The following GRK4 variants were observed in gnomAD, a reference collection of about 807,000 sequenced individuals.
GRK4 encodes G protein-coupled receptor kinase 4.
GRK4 carries 73 observed loss-of-function variants against 77.9 expected under a neutral mutation model. The observed-to-expected ratio is 0.94, with a 90% CI of 0.78 to 1.14. The LOEUF is 1.14. Among genes scored for constraint, GRK4 ranks in the 50% most tolerant of loss-of-function variants. The pLI, the probability that GRK4 is intolerant of heterozygous loss-of-function variation, is 0.00. For missense variants in GRK4, 729 were observed against 700.2 expected, an observed-to-expected ratio of 1.04 and a Z score of -0.46; for synonymous variants, 257 against 254.4, an observed-to-expected ratio of 1.01 and a Z score of -0.10.
In GRK4 at chr4:2,970,685, T is replaced by TG. The variant is rs1170543200; in HGVS notation, c.52+6570dup. The stretch of plus-strand genomic sequence containing the variant: ...AAAAAAAAAAAATGTTCTTTTTTTT[T>TG]GGGGGGGTCAGTCTCGCTCTGTCGC... On this transcript the variant is annotated intron_variant, in intron 1 of 15. Coordinates refer to ENST00000398052, the MANE Select transcript of GRK4 (RefSeq NM_182982.3). Among the ~76,000 whole-genome samples the TG allele has an allele frequency of 1.3e-4, 20 of 151,356 alleles. 1 individual carries two copies. The highest frequency in any genetic ancestry group is 9.2e-4 in the Admixed American group (14 of 15,170).
At chr4:3,029,070 C>A (rs12696706) in intron 11 of GRK4, 131 bp from the exon 12 acceptor site, 41,165 of 725,932 alleles carry the variant, frequency 0.057, 1,296 homozygotes, top group East Asian at 0.077. Context: ...CCGCTCCCAG[C>A]CTTAACATAA....
chr4:3,022,315 C>T lies in GRK4; in HGVS notation c.933-99C>T, dbSNP rs189312232. ...CATGAAGGGCAGTTTCGTGTTTTGCCGCGCTAGCCCTTGCTCACGCTGGTT... is the reference window on the plus strand; with the variant it reads ...CATGAAGGGCAGTTTCGTGTTTTGCTGCGCTAGCCCTTGCTCACGCTGGTT... On this transcript the variant is annotated intron_variant, in intron 9 of 15. Coordinates refer to ENST00000398052, the MANE Select transcript of GRK4 (RefSeq NM_182982.3). 1,189 of 1,121,462 alleles carry T rather than the reference C, an allele frequency of 1.1e-3. 1 individual carries two copies. The highest frequency in any genetic ancestry group is 1.4e-3 in the Non-Finnish European group (1,108 of 765,220). The allele number at this position is 1,121,462 out of a possible 1,614,324, so 69.5% of individuals were successfully genotyped here. A position where few individuals can be genotyped will look rare whatever the true frequency, so the allele number is the denominator to read the frequency against.
chr4:3,018,257 C>A (rs532244702), intron 8 of GRK4, among the ~76,000 whole-genome samples: 1 of 152,060 alleles, frequency 6.6e-6, no homozygotes, highest in African/African-American at 2.4e-5. Flanking sequence ...GAGACATTCC[C>A]AGATTTTTAG....
intron 1 of GRK4, among the ~76,000 whole-genome samples, chr4:2,975,966 C>T (rs941131478): frequency 1.3e-5 from 2 of 152,180 alleles, no homozygotes; most frequent in Non-Finnish European, 1.5e-5. Flanking sequence ...AGGAGAGATA[C>T]ATAGTAGCCA....
At chr4:2,998,560 A>G (rs937224229) in intron 4 of GRK4, among the ~76,000 whole-genome samples, 14 of 152,162 alleles carry the variant, frequency 9.2e-5, no homozygotes, top group African/African-American at 2.2e-4. Flanking sequence ...ATTCCTATAT[A>G]TTAGCAATTA....
Position 3,029,328 on chromosome 4 carries a change from G to T in GRK4, c.1188G>T (p.Glu396Asp). Residue 396 changes from glutamate (E) to aspartate (D), a missense_variant, in exon 12 of 16, where the codon GAG (glutamate) becomes GAT (aspartate). Glu to Asp is a conservative substitution (Grantham distance 45, BLOSUM62 2). Coordinates refer to ENST00000398052, the MANE Select transcript of GRK4 (RefSeq NM_182982.3). The part of the protein sequence containing the change: ...FKKYKEKVKW[E>D]EVDQRIKNDT... ...AATACAAAGAGAAAGTCAAATGGGA[G>T]GAGGTCGATCAAAGAATCAAGAATG... is the stretch of plus-strand genomic sequence containing the variant. 1.2e-6 allele frequency: 2 copies of T among 1,614,146 alleles called. No homozygotes were observed. Among genetic ancestry groups the T allele is most frequent in the South Asian group, 2.2e-5 (2 of 91,082 alleles).
In GRK4 at chr4:2,984,611, G is replaced by A; in HGVS notation, c.148+3G>A. The A allele has an allele frequency of 6.5e-7, 1 of 1,545,910 alleles. No individual in the cohort carries two copies. The highest frequency in any genetic ancestry group is 8.9e-7 in the Non-Finnish European group (1 of 1,123,170). ...CAGTGAGCTTAGACATTCCATTGGT[G>A]AGTAAATAGTGCCTACTAATGCTTG... On this transcript the variant is annotated splice_donor_region_variant and intron_variant, in intron 2 of 15. Transcript: ENST00000398052.
chr4:2,971,582 A>G (rs1316753477), intron 1 of GRK4, among the ~76,000 whole-genome samples: 1 of 152,334 alleles, frequency 6.6e-6, no homozygotes, highest in Admixed American at 6.5e-5. Flanking sequence ...CAGGAATAGC[A>G]GGAAGAAGAA....
chr4:3,007,946 T>A, intron 6 of GRK4, 118 bp downstream of exon 6: 1 of 644,044 alleles, frequency 1.6e-6, no homozygotes, highest in Admixed American at 2.8e-5. Flanking sequence ...AAGGCTATAG[T>A]ACGGGATGAT....
In GRK4 at chr4:3,030,642, A is replaced by C. The variant is rs2857842; in HGVS notation, c.1269+1233A>C. ...ACTGCCTGGAGGGGCGGCAGGCTCTAGGGGGTGAGAGGGGGTCGGCCTGCT... is the reference window on the plus strand; with the variant it reads ...ACTGCCTGGAGGGGCGGCAGGCTCTCGGGGGTGAGAGGGGGTCGGCCTGCT... On this transcript the variant is annotated intron_variant, in intron 12 of 15. Transcript: ENST00000398052. Among the ~76,000 whole-genome samples the C allele has an allele frequency of 4.6e-5, 7 of 151,200 alleles. No individual in the cohort carries two copies. The South Asian group carries it at 1.5e-3, about 32-fold the overall frequency.
In GRK4 at chr4:3,020,193, T is replaced by TG. The variant is rs1735678436; in HGVS notation, c.932+367dup. ...TAATTTTTTGTATTTTTACTAGAGATGGGGGTCTCACCATGTTGGCCAGGC... is the reference window on the plus strand; with the variant it reads ...TAATTTTTTGTATTTTTACTAGAGATGGGGGGTCTCACCATGTTGGCCAGGC... On this transcript the variant is annotated intron_variant, in intron 9 of 15. Transcript: ENST00000398052. Among the ~76,000 whole-genome samples the TG allele has an allele frequency of 4.6e-5, 7 of 152,114 alleles. 2 individuals are homozygous for TG. The highest frequency in any genetic ancestry group is 4.6e-4 in the Admixed American group (7 of 15,288).
chr4:3,013,623 T>C (rs1257846215), intron 7 of GRK4, 65 bp from the exon 8 acceptor site: 2 of 1,546,210 alleles, frequency 1.3e-6, no homozygotes, highest in African/African-American at 2.8e-5. Flanking sequence ...GCAAAGAGCT[T>C]CCTTTGTGTG....
intron 4 of GRK4, among the ~76,000 whole-genome samples, chr4:3,002,995 A>G (rs1730293173): frequency 6.6e-6 from 1 of 152,160 alleles, no homozygotes; most frequent in South Asian, 2.1e-4. Context: ...TGTTAAATAT[A>G]TTCACCCTGT....
intron 12 of GRK4, among the ~76,000 whole-genome samples, chr4:3,033,227 G>GAAAC (rs1739637309): frequency 1.3e-5 from 2 of 151,980 alleles, no homozygotes; most frequent in South Asian, 2.1e-4. Context: ...TATTTTAAAA[G>GAAAC]AAAGAAAGAA....
At chr4:3,010,754 G>C (rs1042101132) in intron 7 of GRK4, among the ~76,000 whole-genome samples, 1 of 152,168 alleles carries the variant, frequency 6.6e-6, no homozygotes, top group African/African-American at 2.4e-5. Context: ...CACTGCCCGG[G>C]TGTGACTCAG....
At chr4:3,003,622 C>T (rs1026529655) in intron 4 of GRK4, among the ~76,000 whole-genome samples, 7 of 152,158 alleles carry the variant, frequency 4.6e-5, no homozygotes, top group African/African-American at 1.7e-4. Flanking sequence ...TTTATCCATT[C>T]ATCCACAGAC....
intron 6 of GRK4, 25 bp downstream of exon 6, chr4:3,007,853 A>G (rs1453368415): frequency 3.9e-6 from 6 of 1,527,290 alleles, no homozygotes; most frequent in Non-Finnish European, 4.5e-6. Context: ...TAAACTTGAT[A>G]AAAGCCAATT....
chr4:3,013,808 A>T lies in GRK4; in HGVS notation c.721A>T (p.Lys241Ter). Residue 241 changes from lysine to a stop codon, truncating the protein, a stop_gained, in exon 8 of 16, where the codon AAA becomes TAA. Transcript: ENST00000398052. LOFTEE classifies it high-confidence loss of function. ...TCTAAATGAGAAAAGAATTCTGGAG[A>T]AAGTGCAAAGTAGATTCGTAGTAAG... ...MALNEKRILE[K>*]VQSRFVVSLA... The T allele has an allele frequency of 6.2e-7, 1 of 1,609,676 alleles. No individual in the cohort carries two copies.
intron 12 of GRK4, among the ~76,000 whole-genome samples, chr4:3,034,992 T>G (rs1452966154): frequency 1.3e-5 from 2 of 152,088 alleles, no homozygotes; most frequent in Non-Finnish European, 2.9e-5. Context: ...GCGCGGTGGC[T>G]CACGACTGTA....
Sources: gnomAD v4.1 joint callset for allele counts (sites outside exome capture counted in the v4.1 genomes callset) on GRCh38, gnomAD v4.1.1 for gene constraint, MANE v1.5 for transcripts, NCBI Gene and HGNC (gene_info 2026-07-23, HGNC 2026-07-21) for gene names.